DAO: variants seen among roughly 807,000 people sequenced by gnomAD.
The protein encoded by DAO is D-amino-acid oxidase.
DAO carries 51 observed loss-of-function variants against 50.1 expected under a neutral mutation model. The observed-to-expected ratio is 1.02, with a 90% confidence interval of 0.81 to 1.29. DAO has a LOEUF of 1.29. DAO is among the 50% of genes most tolerant of loss of function. The pLI is 0.00. For missense variants in DAO, 436 were observed against 439.4 expected, an observed-to-expected ratio of 0.99 and a Z score of 0.07; for synonymous variants, 160 against 166.2, an observed-to-expected ratio of 0.96 and a Z score of 0.29.
chr12:108,898,577 G>T (rs1566040486), intron 8 of DAO, 102 bp from the exon 9 acceptor site: 1 of 816,612 alleles, frequency 1.2e-6, no homozygotes, highest in East Asian at 2.4e-5. Context: ...AGGTAGTGAT[G>T]GTGGTGGTGT....
chr12:108,900,453 G>T lies in DAO; in HGVS notation c.962G>T (p.Gly321Val). ...GGCTACGGGCTCACCATCCACTGGGGATGTGCCCTGGAGGCAGCCAAGCTC... is the reference window on the plus strand; with the variant it reads ...GGCTACGGGCTCACCATCCACTGGGTATGTGCCCTGGAGGCAGCCAAGCTC... ...HGGYGLTIHW[G>V]CALEAAKLFG... The change falls in exon 11 of 11, where the codon GGA becomes GTA. Residue 321 changes from glycine to valine, a missense_variant. Physicochemically the swap from Gly to Val is moderately radical, Grantham distance 109 (BLOSUM62 -3). Coordinates refer to ENST00000228476, the MANE Select transcript of DAO (RefSeq NM_001917.5). 1 of 1,614,150 alleles carries T rather than the reference G, an allele frequency of 6.2e-7. No individual in the cohort carries two copies. Among genetic ancestry groups the T allele is most frequent in the Non-Finnish European group, 8.5e-7 (1 of 1,180,018 alleles).
At chr12:108,898,926 A>G (rs1257939279) in intron 9 of DAO, 130 bp downstream of exon 9, 2 of 724,734 alleles carry the variant, frequency 2.8e-6, no homozygotes, top group African/African-American at 1.7e-5. Flanking sequence ...GATGTGGAAC[A>G]TAACAGAATT....
chr12:108,880,577 G>A (rs1008032820), intron 1 of DAO, among the ~76,000 whole-genome samples: 1 of 151,276 alleles, frequency 6.6e-6, no homozygotes, highest in African/African-American at 2.5e-5. Flanking sequence ...GGAGTTGGTA[G>A]GCTGGTTCTC....
intron 1 of DAO, among the ~76,000 whole-genome samples, chr12:108,882,817 C>T (rs184326842): frequency 1.1e-4 from 17 of 152,262 alleles, no homozygotes; most frequent in African/African-American, 3.4e-4. Context: ...ATACAGAAAG[C>T]CCTTTATTCC....
Position 108,889,454 on chromosome 12 carries a change from G to T in DAO, c.310-15G>T. On this transcript the variant is annotated splice_polypyrimidine_tract_variant and intron_variant, in intron 3 of 10. Coordinates refer to ENST00000228476, the MANE Select transcript of DAO (RefSeq NM_001917.5). ...TTCCATCCCACCCAGTGCCCCCTTT[G>T]TCCTTCCTCTTCAGGACCCTTCCTG... The T allele has an allele frequency of 6.2e-7, 1 of 1,604,194 alleles. No homozygotes were observed. The highest frequency in any genetic ancestry group is 8.5e-7 in the Non-Finnish European group (1 of 1,172,666).
chr12:108,894,844 C>T (rs2137358991), intron 7 of DAO, among the ~76,000 whole-genome samples: 1 of 152,214 alleles, frequency 6.6e-6, no homozygotes, highest in South Asian at 2.1e-4. Flanking sequence ...TACTGAGTAG[C>T]TGAGACTACA....
chr12:108,884,288 A>G (rs976455015), intron 1 of DAO, among the ~76,000 whole-genome samples: 24 of 152,246 alleles, frequency 1.6e-4, no homozygotes, highest in African/African-American at 5.8e-4. Flanking sequence ...TCACAGCTGT[A>G]CCATTTAACT....
intron 7 of DAO, 106 bp from the exon 8 acceptor site, chr12:108,896,900 G>A: frequency 1.2e-6 from 1 of 839,138 alleles, no homozygotes; most frequent in Non-Finnish European, 2.1e-6. Context: ...GTCTTATAAG[G>A]AATCAGCCTG....
Position 108,889,474 on chromosome 12 carries a change from T to C in DAO, c.315T>C (p.Pro105=), listed in dbSNP as rs2039467089. The C allele has an allele frequency of 6.2e-7, 1 of 1,611,202 alleles. No homozygotes were observed. Among genetic ancestry groups the C allele is most frequent in the African/African-American group, 1.3e-5 (1 of 74,854 alleles). ...YNLFHEAIPD[P]SWKDTVLGFR... Reference sequence around the variant, plus strand: ...CCTTTGTCCTTCCTCTTCAGGACCCTTCCTGGAAGGACACAGTTCTGGGAT... The same window carrying C: ...CCTTTGTCCTTCCTCTTCAGGACCCCTCCTGGAAGGACACAGTTCTGGGAT... The change falls in exon 4 of 11, where the codon CCT becomes CCC. Residue 105 remains proline, a synonymous_variant. Coordinates refer to ENST00000228476, the MANE Select transcript of DAO (RefSeq NM_001917.5).
chr12:108,880,442 G>A (rs1391734972), intron 1 of DAO: 3 of 301,500 alleles, frequency 1.0e-5, no homozygotes, highest in South Asian at 3.2e-5. Context: ...TGGAACATGG[G>A]GATCATAACT....
chr12:108,896,447 A>G lies in DAO; in HGVS notation c.613-559A>G, dbSNP rs894528305. On this transcript the variant is annotated intron_variant, in intron 7 of 10. Transcript: ENST00000228476. The stretch of plus-strand genomic sequence containing the variant: ...AAAAAAAAAAAAAAAAAAAAATTGA[A>G]GGTTTGAAGGAAAAAGGAATGGAGG... Among the ~76,000 whole-genome samples the G allele has an allele frequency of 1.5e-4, 22 of 147,112 alleles. No homozygotes were observed. In the East Asian group the frequency reaches 4.5e-3, roughly 30 times the overall value.
rs368493622 is a variant in DAO at position 108,897,095 on chromosome 12, T to A, written c.695+7T>A. 6.2e-7 allele frequency: 1 copy of A among 1,608,558 alleles called. No individual in the cohort carries two copies. The highest frequency in any genetic ancestry group is 2.2e-5 in the East Asian group (1 of 44,860). ...CCCCGTACATCATCCCAGGGTAAAA[T>A]TGGACTGTTCTCGGGCAGAAGAGTG... is the stretch of plus-strand genomic sequence containing the variant. On this transcript the variant is annotated splice_region_variant and intron_variant, in intron 8 of 10. Transcript: ENST00000228476.
rs1169883566 is a variant in DAO at position 108,889,467 on chromosome 12, A to G, written c.310-2A>G. ...AGTGCCCCCTTTGTCCTTCCTCTTC[A>G]GGACCCTTCCTGGAAGGACACAGTT... On this transcript the variant is annotated splice_acceptor_variant, in intron 3 of 10. Transcript: ENST00000228476. LOFTEE classifies it high-confidence loss of function. 3.1e-6 allele frequency: 5 copies of G among 1,609,608 alleles called. No homozygotes were observed. Among genetic ancestry groups the G allele is most frequent in the Admixed American group, 1.7e-5 (1 of 59,870 alleles).
At chr12:108,886,475 T>TA (rs946782781) in intron 2 of DAO, among the ~76,000 whole-genome samples, 9 of 151,728 alleles carry the variant, frequency 5.9e-5, no homozygotes, top group Admixed American at 3.9e-4. Flanking sequence ...TCAAACAGAT[T>TA]AAAAAAAAAT....
At chr12:108,899,351 T>C in intron 9 of DAO, 26 bp from the exon 10 acceptor site, 1 of 1,589,712 alleles carries the variant, frequency 6.3e-7, no homozygotes, top group Non-Finnish European at 8.6e-7. Flanking sequence ...AATCCAGAAA[T>C]GAGTGATCAG....
intron 7 of DAO, among the ~76,000 whole-genome samples, 191 bp from the exon 8 acceptor site, chr12:108,896,814 TG>T (rs1365871586): frequency 6.6e-6 from 1 of 152,160 alleles, no homozygotes; most frequent in Non-Finnish European, 1.5e-5. Context: ...GGAGCAGGGG[TG>T]GCTGCCAATT....
chr12:108,884,378 G>GC (rs1469732928), intron 1 of DAO, among the ~76,000 whole-genome samples: 1 of 152,190 alleles, frequency 6.6e-6, no homozygotes, highest in Non-Finnish European at 1.5e-5. Context: ...GATAACAGCA[G>GC]CCCCTACCTC....
At chr12:108,887,307 A>C (rs890995390) in intron 2 of DAO, 143 bp from the exon 3 acceptor site, 1 of 755,608 alleles carries the variant, frequency 1.3e-6, no homozygotes, top group African/African-American at 1.7e-5. Flanking sequence ...GCATTTGGGG[A>C]GTTGCAGGAG....
At chr12:108,900,107 A>C in intron 10 of DAO, 2 of 398,532 alleles carry the variant, frequency 5.0e-6, no homozygotes, top group Non-Finnish European at 9.5e-6. Flanking sequence ...GGGGTGAATT[A>C]AGAGGTGAAG....
Sources: allele counts gnomAD v4.1 joint callset (sites outside exome capture counted in the v4.1 genomes callset), GRCh38; gene constraint gnomAD v4.1.1; transcripts MANE v1.5; gene names NCBI Gene and HGNC (gene_info 2026-07-23, HGNC 2026-07-21).